C12orf42: variants seen among roughly 807,000 people sequenced by gnomAD.
The protein encoded by C12orf42 is chromosome 12 open reading frame 42.
A neutral mutation model predicts 21.6 loss-of-function variants in C12orf42; 25 were observed. That is an observed-to-expected ratio of 1.16 (90% CI 0.84 to 1.62). The LOEUF (loss-of-function observed/expected upper bound fraction) is 1.62. C12orf42 is among the 40% of genes most tolerant of loss of function. The pLI, the probability that C12orf42 is intolerant of heterozygous loss-of-function variation, is 0.00. For synonymous variants in C12orf42, 174 were observed against 175.0 expected, an observed-to-expected ratio of 0.99 and a Z score of 0.05; for missense variants, 483 against 459.3, an observed-to-expected ratio of 1.05 and a Z score of -0.47.
At chr12:103,284,083 C>T (rs1365421794) in intron 4 of C12orf42, among the ~76,000 whole-genome samples, 2 of 151,944 alleles carry the variant, frequency 1.3e-5, no homozygotes, top group African/African-American at 2.4e-5. Flanking sequence ...AGAACTTATC[C>T]CAAGTTCTAC....
At chr12:103,168,021 C>T in the C12orf42 span, 146,177 of 454,172 alleles carry the variant, frequency 0.32, 25,142 homozygotes, top group Non-Finnish European at 0.37. Flanking sequence ...TTAATATGTA[C>T]ATGCATCTCT....
At chr12:103,494,767 C>A (rs1169259044) in intron 1 of C12orf42, among the ~76,000 whole-genome samples, 1 of 152,140 alleles carries the variant, frequency 6.6e-6, no homozygotes, top group Non-Finnish European at 1.5e-5. Flanking sequence ...TAGCAGTTTT[C>A]ATGCCCTTAG....
intron 10 of C12orf42, among the ~76,000 whole-genome samples, chr12:103,259,168 T>C (rs1448501422): frequency 6.6e-6 from 1 of 152,230 alleles, no homozygotes; most frequent in Non-Finnish European, 1.5e-5. Context: ...TTAGTAGATT[T>C]TGTTTTAGTG....
the C12orf42 span, among the ~76,000 whole-genome samples, chr12:103,141,071 A>G: frequency 3.3e-5 from 5 of 152,212 alleles, no homozygotes; most frequent in Non-Finnish European, 5.9e-5. Context: ...TTGACTATAC[A>G]AAGCCCAGGC....
At chr12:103,413,170 T>C (rs780131260) in intron 2 of C12orf42, among the ~76,000 whole-genome samples, 7 of 152,216 alleles carry the variant, frequency 4.6e-5, no homozygotes, top group Non-Finnish European at 7.3e-5. Context: ...CTTCAGCATA[T>C]AGCTAGCCAG....
At chr12:103,461,211 G>A (rs1311011264) in intron 2 of C12orf42, among the ~76,000 whole-genome samples, 1 of 152,180 alleles carries the variant, frequency 6.6e-6, no homozygotes, top group Non-Finnish European at 1.5e-5. Flanking sequence ...TGCTTGAAGA[G>A]TATGCAAAAG....
the C12orf42 span, among the ~76,000 whole-genome samples, chr12:103,541,764 CTT>C: frequency 6.7e-6 from 1 of 149,042 alleles, no homozygotes; most frequent in African/African-American, 2.5e-5. Flanking sequence ...TTGATTTAAT[CTT>C]TTTTTTTTCA....
At chr12:103,266,490 G>T (rs946504812), downstream of C12orf42, among the ~76,000 whole-genome samples, 6 of 151,974 alleles carry the variant, frequency 3.9e-5, no homozygotes, top group Non-Finnish European at 8.8e-5. Context: ...AGCTATATTT[G>T]TACCCCTTGT....
the C12orf42 span, among the ~76,000 whole-genome samples, chr12:103,197,518 C>T: frequency 6.6e-6 from 1 of 152,114 alleles, no homozygotes; most frequent in Non-Finnish European, 1.5e-5. Flanking sequence ...TCCTGAATCT[C>T]GATGATCTTC....
At chr12:103,261,498 A>C (rs1279955155) in intron 10 of C12orf42, among the ~76,000 whole-genome samples, 2 of 148,026 alleles carry the variant, frequency 1.4e-5, no homozygotes, top group Non-Finnish European at 3.0e-5. Context: ...AAAAAAAAAA[A>C]GTATGGTTCT....
the C12orf42 span, among the ~76,000 whole-genome samples, chr12:103,528,939 T>C: frequency 6.6e-6 from 1 of 152,164 alleles, no homozygotes; most frequent in Non-Finnish European, 1.5e-5. Flanking sequence ...CAGAAACATG[T>C]TCAAAATCAC....
the C12orf42 span, among the ~76,000 whole-genome samples, chr12:103,182,051 T>C: frequency 6.6e-6 from 1 of 152,280 alleles, no homozygotes; most frequent in African/African-American, 2.4e-5. Flanking sequence ...TTAGTAATCG[T>C]AGGGTTTTTC....
intron 4 of C12orf42, among the ~76,000 whole-genome samples, chr12:103,319,676 C>T (rs1257685537): frequency 6.6e-6 from 1 of 152,198 alleles, no homozygotes; most frequent in Non-Finnish European, 1.5e-5. Context: ...CAAAGATTGC[C>T]CTATGGCCGT....
chr12:103,195,391 A>T, the C12orf42 span, among the ~76,000 whole-genome samples: 1 of 152,130 alleles, frequency 6.6e-6, no homozygotes, highest in African/African-American at 2.4e-5. Flanking sequence ...GAGTGGCTGA[A>T]CTAATTTGCA....
intron 4 of C12orf42, among the ~76,000 whole-genome samples, chr12:103,328,972 G>A (rs1241419279): frequency 6.6e-6 from 1 of 152,212 alleles, no homozygotes; most frequent in Non-Finnish European, 1.5e-5. Context: ...CTAAAGCACA[G>A]TTCCTGCCCT....
chr12:103,069,384 A>T, the C12orf42 span, among the ~76,000 whole-genome samples: 1 of 152,088 alleles, frequency 6.6e-6, no homozygotes, highest in Non-Finnish European at 1.5e-5. Context: ...TCATGACCCA[A>T]ATATGCATTT....
the C12orf42 span, among the ~76,000 whole-genome samples, chr12:103,068,521 G>A: frequency 6.6e-6 from 1 of 152,114 alleles, no homozygotes; most frequent in Admixed American, 6.6e-5. Flanking sequence ...TTGGATTGAA[G>A]GATGCAAAGT....
At chr12:103,057,789 A>G in the C12orf42 span, among the ~76,000 whole-genome samples, 1 of 152,048 alleles carries the variant, frequency 6.6e-6, no homozygotes, top group Non-Finnish European at 1.5e-5. Context: ...CATCTTCTAC[A>G]ATGGTTGACT....
the C12orf42 span, among the ~76,000 whole-genome samples, chr12:103,517,889 A>G: frequency 6.6e-6 from 1 of 152,082 alleles, no homozygotes; most frequent in Admixed American, 6.5e-5. Flanking sequence ...AAAAATTTTA[A>G]TTTTTTTATT....
Sources: gnomAD v4.1 joint callset for allele counts (sites outside exome capture counted in the v4.1 genomes callset) on GRCh38, gnomAD v4.1.1 for gene constraint, MANE v1.5 for transcripts, NCBI Gene and HGNC (gene_info 2026-07-23, HGNC 2026-07-21) for gene names.